The following FMN1 variants were observed in gnomAD, a reference collection of about 807,000 sequenced individuals.
FMN1 encodes the protein formin 1.
FMN1 carries 110 observed loss-of-function variants against 132.4 expected under a neutral mutation model. The ratio of observed to expected loss-of-function variants is 0.83; its 90% CI spans 0.71 to 0.97. The LOEUF is 0.97. Among genes scored for constraint, FMN1 ranks in the 50% least tolerant of loss-of-function variants. FMN1 has a pLI of 0.00. For missense variants in FMN1, 1,792 were observed against 1,705.3 expected, an observed-to-expected ratio of 1.05 and a Z score of -0.90; for synonymous variants, 722 against 651.7, an observed-to-expected ratio of 1.11 and a Z score of -1.64.
In FMN1 at chr15:32,771,135, G is replaced by GT. The variant is rs942551272; in HGVS notation, c.*3174dup. The GT allele has an allele frequency of 3.3e-5, 5 of 150,544 alleles. No individual in the cohort carries two copies. Among genetic ancestry groups the GT allele is most frequent in the South Asian group, 2.1e-4 (1 of 4,726 alleles). The allele number at this position is 150,544 out of a possible 1,614,324, so 9.3% of individuals were successfully genotyped here. ...TCACTGTCGCCCAGGCTGGAGTGCA[G>GT]TGGTGCTATCTCGGCTAGCTGCAAG... On this transcript the variant is annotated 3_prime_UTR_variant, in exon 21 of 21. Transcript: ENST00000616417.
intron 5 of FMN1, among the ~76,000 whole-genome samples, chr15:33,068,520 G>A (rs2037852783): frequency 6.6e-6 from 1 of 152,148 alleles, no homozygotes; most frequent in African/African-American, 2.4e-5. Context: ...AGTACACCCA[G>A]ATCAGCAGCC....
rs61744794 is a variant in FMN1 at position 33,154,038 on chromosome 15, T to A, written c.877A>T (p.Thr293Ser). ...RPPSGLEHQQTGLSESHQDPE... is the reference protein window; with the variant it reads ...RPPSGLEHQQSGLSESHQDPE... Reference sequence around the variant, plus strand: ...TCCTGGTGACTTTCAGACAAACCTGTTTGCTGATGCTCCAGCCCGCTCGGC... The same window carrying A: ...TCCTGGTGACTTTCAGACAAACCTGATTGCTGATGCTCCAGCCCGCTCGGC... The change falls in exon 4 of 21, where the codon ACA becomes TCA. Residue 293 changes from threonine (T) to serine (S), a missense_variant. Thr to Ser is a moderately conservative substitution (Grantham distance 58). This residue lies in a region of FMN1 where 638 missense variants were observed against 645.2 expected (regional missense o/e 0.99). Transcript: ENST00000616417. 614 of 1,536,242 alleles carry A rather than the reference T, an allele frequency of 4.0e-4. 1 individual carries two copies. In the African/African-American group the frequency reaches 7.8e-3, roughly 19 times the overall value.
intron 6 of FMN1, among the ~76,000 whole-genome samples, chr15:33,051,690 G>A (rs1327357051): frequency 6.6e-6 from 1 of 152,160 alleles, no homozygotes; most frequent in African/African-American, 2.4e-5. Flanking sequence ...ACGCTTGACT[G>A]GTTAGGGAAA....
At chr15:33,123,070 ATAAC>A (rs891055154) in intron 4 of FMN1, among the ~76,000 whole-genome samples, 2 of 151,338 alleles carry the variant, frequency 1.3e-5, no homozygotes, top group African/African-American at 2.4e-5. Context: ...CCACATCCTT[ATAAC>A]TAAAGCCCAA....
rs367859194 is a variant in FMN1 at position 32,787,444 on chromosome 15, C to T, written c.4131-10525G>A. Among the ~76,000 whole-genome samples the T allele has an allele frequency of 1.6e-4, 25 of 152,330 alleles. No individual in the cohort carries two copies. The South Asian group carries it at 5.2e-3, about 32-fold the overall frequency. On this transcript the variant is annotated intron_variant, in intron 19 of 20. Transcript: ENST00000616417. Reference sequence around the variant, plus strand: ...GCTCTGGCACCGACCACCTCCTGTGCCTCCCAGGTCAGTTTCACTAGCAGC... The same window carrying T: ...GCTCTGGCACCGACCACCTCCTGTGTCTCCCAGGTCAGTTTCACTAGCAGC...
At chr15:33,113,095 G>A (rs958362990) in intron 4 of FMN1, among the ~76,000 whole-genome samples, 5 of 152,154 alleles carry the variant, frequency 3.3e-5, no homozygotes, top group African/African-American at 1.2e-4. Flanking sequence ...ACACCCCCAA[G>A]GCATATCTAC....
chr15:33,112,529 G>A (rs1011001217), intron 4 of FMN1, among the ~76,000 whole-genome samples: 1 of 152,030 alleles, frequency 6.6e-6, no homozygotes, highest in Non-Finnish European at 1.5e-5. Flanking sequence ...AAGAGCATTC[G>A]GTACCTGCAG....
intron 4 of FMN1, among the ~76,000 whole-genome samples, chr15:33,103,377 T>C (rs4780078): frequency 3.3e-5 from 5 of 152,126 alleles, no homozygotes; most frequent in Admixed American, 2.0e-4. Context: ...GGAGTTACTA[T>C]AAAGATTAAA....
intron 4 of FMN1, among the ~76,000 whole-genome samples, chr15:33,091,163 G>A (rs1469157696): frequency 6.6e-6 from 1 of 152,110 alleles, no homozygotes; most frequent in Non-Finnish European, 1.5e-5. Flanking sequence ...CAACACCTGA[G>A]GTAAGACATT....
intron 4 of FMN1, among the ~76,000 whole-genome samples, chr15:33,102,374 T>TA (rs1310760091): frequency 6.6e-6 from 1 of 152,112 alleles, no homozygotes; most frequent in Non-Finnish European, 1.5e-5. Context: ...AGCAGAAAGA[T>TA]AAAAGTTTTC....
chr15:32,997,908 TA>T (rs2033872672), intron 7 of FMN1, among the ~76,000 whole-genome samples: 1 of 152,172 alleles, frequency 6.6e-6, no homozygotes, highest in African/African-American at 2.4e-5. Context: ...TAAATGTCCA[TA>T]AATATCTAAA....
At chr15:33,128,468 C>G (rs1475994977) in intron 4 of FMN1, among the ~76,000 whole-genome samples, 1 of 152,174 alleles carries the variant, frequency 6.6e-6, no homozygotes, top group Non-Finnish European at 1.5e-5. Context: ...ATTGCAAGGT[C>G]CATTTATAAA....
chr15:32,854,704 G>A (rs1342872031), intron 17 of FMN1, among the ~76,000 whole-genome samples: 1 of 152,086 alleles, frequency 6.6e-6, no homozygotes, highest in Non-Finnish European at 1.5e-5. Flanking sequence ...CCTGAGGTCA[G>A]GAGTTCGAGA....
intron 9 of FMN1, among the ~76,000 whole-genome samples, chr15:32,957,452 G>A (rs375471858): frequency 1.3e-5 from 2 of 151,588 alleles, no homozygotes; most frequent in East Asian, 1.9e-4. Flanking sequence ...TATTGACAGG[G>A]GAAACTCTTT....
rs756504955 is a variant in FMN1 at position 32,969,478 on chromosome 15, C to CT, written c.2224-2dup. The CT allele has an allele frequency of 5.6e-6, 9 of 1,612,002 alleles. No homozygotes were observed. Among genetic ancestry groups the CT allele is most frequent in the Non-Finnish European group, 6.8e-6 (8 of 1,179,008 alleles). The stretch of plus-strand genomic sequence containing the variant: ...GAAATGCCCGAAGTTCAAACTGTGC[C>CT]TATAGGAAAATTCAGAGGGAAAGAA... On this transcript the variant is annotated splice_acceptor_variant, in intron 7 of 20. Coordinates refer to ENST00000616417, the MANE Select transcript of FMN1 (RefSeq NM_001277313.2). LOFTEE classifies it high-confidence loss of function.
Position 32,773,033 on chromosome 15 carries a change from T to C in FMN1, c.*1277A>G, listed in dbSNP as rs1326525721. The C allele has an allele frequency of 6.6e-6, 1 of 152,226 alleles. No homozygotes were observed. Among genetic ancestry groups the C allele is most frequent in the Admixed American group, 6.5e-5 (1 of 15,276 alleles). The allele number at this position is 152,226 out of a possible 1,614,324, so 9.4% of individuals were successfully genotyped here. Reference sequence around the variant, plus strand: ...TAAAAATGAGTCTTTGATCATATTGTCCATTCATCTCCAGTCCTCTTTCTT... The same window carrying C: ...TAAAAATGAGTCTTTGATCATATTGCCCATTCATCTCCAGTCCTCTTTCTT... On this transcript the variant is annotated 3_prime_UTR_variant, in exon 21 of 21. Coordinates refer to ENST00000616417, the MANE Select transcript of FMN1 (RefSeq NM_001277313.2).
At chr15:33,128,480 A>G (rs60501076) in intron 4 of FMN1, among the ~76,000 whole-genome samples, 1 of 152,228 alleles carries the variant, frequency 6.6e-6, no homozygotes, top group African/African-American at 2.4e-5. Context: ...ATTTATAAAA[A>G]GCCTCATGCA....
chr15:32,780,001 T>C (rs1482527886), intron 19 of FMN1, among the ~76,000 whole-genome samples: 1 of 152,236 alleles, frequency 6.6e-6, no homozygotes, highest in East Asian at 1.9e-4. Context: ...CTCCAAAGCC[T>C]GATTGCAGAA....
At chr15:33,075,198 A>G (rs1288795636) in intron 5 of FMN1, among the ~76,000 whole-genome samples, 1 of 152,076 alleles carries the variant, frequency 6.6e-6, no homozygotes, top group Non-Finnish European at 1.5e-5. Context: ...GTTACGCGGC[A>G]TACACTATTA....
Sources: gnomAD v4.1 joint callset for allele counts (sites outside exome capture counted in the v4.1 genomes callset) on GRCh38, gnomAD v4.1.1 for gene constraint, gnomAD v4.1.1 regional missense constraint, MANE v1.5 for transcripts, NCBI Gene and HGNC (gene_info 2026-07-23, HGNC 2026-07-21) for gene names.